CC2D2B: variants seen among roughly 807,000 people sequenced by gnomAD.
The protein encoded by CC2D2B is coiled-coil and C2 domain containing 2B.
In CC2D2B, 128 loss-of-function variants were observed where a neutral mutation model predicts 161.2. That is an observed-to-expected ratio of 0.79 (90% CI 0.69 to 0.92). The LOEUF is 0.92. Ranked by LOEUF, CC2D2B falls within the 40% of genes least tolerant of loss-of-function variation. The pLI, the probability that CC2D2B is intolerant of heterozygous loss-of-function variation, is 0.00. For synonymous variants in CC2D2B, 391 were observed against 449.8 expected, an observed-to-expected ratio of 0.87 and a Z score of 1.65; for missense variants, 1,173 against 1,375.1, an observed-to-expected ratio of 0.85 and a Z score of 2.32.
chr10:95,911,465 C>G (rs1373268097), intron 2 of CC2D2B, 106 bp downstream of exon 2: 1 of 199,966 alleles, frequency 5.0e-6, no homozygotes, highest in East Asian at 1.3e-4. Flanking sequence ...ATATACAAAT[C>G]ATAAATTCAT....
intron 28 of CC2D2B, 72 bp downstream of exon 28, chr10:96,012,801 G>A (rs2079047376): frequency 1.1e-6 from 1 of 951,960 alleles, no homozygotes; most frequent in Admixed American, 2.0e-5. Context: ...TTTACCTTTT[G>A]TGTATTTGGG....
At chr10:95,975,417 G>A (rs997584157) in intron 17 of CC2D2B, among the ~76,000 whole-genome samples, 1 of 152,070 alleles carries the variant, frequency 6.6e-6, no homozygotes, top group Non-Finnish European at 1.5e-5. Flanking sequence ...TGACATAGTG[G>A]GGGTAGTTTA....
intron 16 of CC2D2B, among the ~76,000 whole-genome samples, chr10:95,973,571 A>T (rs1200892459): frequency 6.6e-6 from 1 of 152,068 alleles, no homozygotes; most frequent in Non-Finnish European, 1.5e-5. Flanking sequence ...ATAAGAGTGG[A>T]GTTAGGGCCG....
At chr10:96,016,031 C>A (rs534890785) in intron 29 of CC2D2B, among the ~76,000 whole-genome samples, 170 bp from the exon 30 acceptor site, 311 of 152,290 alleles carry the variant, frequency 2.0e-3, no homozygotes, top group Non-Finnish European at 3.3e-3. Context: ...TCCTCTAATG[C>A]CCTAGCAAAG....
Position 95,950,013 on chromosome 10 carries a change from C to G in CC2D2B, c.919C>G (p.Gln307Glu). Reference protein sequence around the residue: ...LQFSHHHLFNQEQVLCARLLQ... With the variant: ...LQFSHHHLFNEEQVLCARLLQ... Reference sequence around the variant, plus strand: ...ATTCAGCCATCATCATCTCTTCAATCAAGAGCAAGTATTATGCGCAAGGCT... The same window carrying G: ...ATTCAGCCATCATCATCTCTTCAATGAAGAGCAAGTATTATGCGCAAGGCT... The change falls in exon 10 of 35, where the codon CAA (glutamine) becomes GAA (glutamate). Residue 307 changes from glutamine to glutamate, a missense_variant. Physicochemically the swap from Gln to Glu is conservative, Grantham distance 29. Transcript: ENST00000646931. The G allele has an allele frequency of 5.0e-6, 2 of 398,796 alleles. No homozygotes were observed. The highest frequency in any genetic ancestry group is 8.9e-6 in the Non-Finnish European group (2 of 225,930). The allele number at this position is 398,796 out of a possible 1,614,324, so 24.7% of individuals were successfully genotyped here.
At chr10:95,943,689 C>T (rs575144404) in intron 9 of CC2D2B, among the ~76,000 whole-genome samples, 1 of 152,020 alleles carries the variant, frequency 6.6e-6, no homozygotes, top group South Asian at 2.1e-4. Context: ...CTTTAAAGTT[C>T]ATATCTGGTA....
chr10:95,922,622 CT>C (rs2098529639), intron 3 of CC2D2B, among the ~76,000 whole-genome samples: 1 of 152,138 alleles, frequency 6.6e-6, no homozygotes, highest in Non-Finnish European at 1.5e-5. Context: ...TCTATGTAAC[CT>C]TTAAGCACTC....
chr10:95,931,660 A>G (rs2141228958), intron 6 of CC2D2B, among the ~76,000 whole-genome samples: 2 of 152,286 alleles, frequency 1.3e-5, no homozygotes, highest in East Asian at 3.9e-4. Context: ...ATTCAGGAGC[A>G]GGTTGTTCAG....
In CC2D2B at chr10:96,032,047, C is replaced by T. The variant is rs1273260950; in HGVS notation, c.*39C>T. On this transcript the variant is annotated 3_prime_UTR_variant, in exon 35 of 35. Coordinates refer to ENST00000646931, the MANE Select transcript of CC2D2B (RefSeq NM_001349008.3). ...CAAAGTAAAAGATTGTACTATAGTC[C>T]TCTAGTACCAACAAAAACTTTTCTG... 3 of 1,492,946 alleles carry T rather than the reference C, an allele frequency of 2.0e-6. No homozygotes were observed. The highest frequency in any genetic ancestry group is 2.7e-6 in the Non-Finnish European group (3 of 1,093,384). The allele number at this position is 1,492,946 out of a possible 1,614,324, so 92.5% of individuals were successfully genotyped here. A position where few individuals can be genotyped will look rare whatever the true frequency, so the allele number is the denominator to read the frequency against.
At chr10:95,915,712 T>C (rs561081792) in intron 2 of CC2D2B, among the ~76,000 whole-genome samples, 1 of 152,350 alleles carries the variant, frequency 6.6e-6, no homozygotes, top group South Asian at 2.1e-4. Context: ...ATTGATTGAT[T>C]TGTGTATGTT....
chr10:96,009,513 T>C (rs754304842), intron 25 of CC2D2B, among the ~76,000 whole-genome samples: 1 of 152,252 alleles, frequency 6.6e-6, no homozygotes, highest in Non-Finnish European at 1.5e-5. Flanking sequence ...ACTTCACATA[T>C]AGTGTAAGAG....
At chr10:95,934,083 A>G (rs967889709) in intron 6 of CC2D2B, among the ~76,000 whole-genome samples, 3 of 152,138 alleles carry the variant, frequency 2.0e-5, no homozygotes, top group Non-Finnish European at 2.9e-5. Context: ...CTGGCCAGAG[A>G]GGAGGAGTCT....
At chr10:96,017,461 G>A (rs748725966) in intron 30 of CC2D2B, among the ~76,000 whole-genome samples, 2 of 152,166 alleles carry the variant, frequency 1.3e-5, no homozygotes, top group Non-Finnish European at 2.9e-5. Flanking sequence ...GACCAACACT[G>A]CAGGAGGTAG....
At chr10:95,989,844 A>G (rs1326337696) in intron 20 of CC2D2B, among the ~76,000 whole-genome samples, 4 of 152,208 alleles carry the variant, frequency 2.6e-5, no homozygotes, top group African/African-American at 7.2e-5. Context: ...GATAATTACT[A>G]TAATCAAAGA....
chr10:96,029,540 G>A (rs2079976222), intron 34 of CC2D2B, among the ~76,000 whole-genome samples: 1 of 151,316 alleles, frequency 6.6e-6, no homozygotes, highest in Non-Finnish European at 1.5e-5. Context: ...TCTAGTAGTA[G>A]ATCAATTCCC....
chr10:95,973,154 G>A (rs1247734034), intron 16 of CC2D2B, among the ~76,000 whole-genome samples: 1 of 151,846 alleles, frequency 6.6e-6, no homozygotes, highest in African/African-American at 2.4e-5. Flanking sequence ...AGGGGGCGGG[G>A]GGAAATGGGC....
chr10:96,019,939 C>A lies in CC2D2B; in HGVS notation c.3888+115C>A, dbSNP rs1340001015. ...GTTGGTTGGTTACTGAAATATTTGG[C>A]AATATTAATTTAAAAACTAGTTTTC... On this transcript the variant is annotated intron_variant, in intron 32 of 34. Coordinates refer to ENST00000646931, the MANE Select transcript of CC2D2B (RefSeq NM_001349008.3). 8.2e-6 allele frequency: 8 copies of A among 980,326 alleles called. No homozygotes were observed. In the Admixed American group the frequency reaches 1.2e-4, roughly 15 times the overall value. 60.7% of individuals were successfully genotyped at this position (980,326 alleles called of 1,614,324 possible).
intron 12 of CC2D2B, 111 bp from the exon 13 acceptor site, chr10:95,965,785 T>TGTG: frequency 5.8e-6 from 2 of 343,666 alleles, no homozygotes; most frequent in Non-Finnish European, 5.2e-6. Context: ...GAGATTGGTT[T>TGTG]TGTGTGTGTG....
chr10:95,973,428 G>T (rs1315536739), intron 16 of CC2D2B, among the ~76,000 whole-genome samples: 2 of 152,134 alleles, frequency 1.3e-5, no homozygotes, highest in African/African-American at 4.8e-5. Context: ...CTCCCACAGA[G>T]AATGGTTAAG....
Sources: allele counts gnomAD v4.1 joint callset (sites outside exome capture counted in the v4.1 genomes callset), GRCh38; gene constraint gnomAD v4.1.1; transcripts MANE v1.5; gene names NCBI Gene and HGNC (gene_info 2026-07-23, HGNC 2026-07-21).